Variants in AKAP19 observed in about 807,000 individuals in gnomAD.
AKAP19 encodes A-kinase anchoring protein 19.
chr2:190,111,457 G>A, the AKAP19 span, among the ~76,000 whole-genome samples: 1 of 151,944 alleles, frequency 6.6e-6, no homozygotes, highest in Non-Finnish European at 1.5e-5. Flanking sequence ...CTAAATAGAG[G>A]TATGATATTA....
chr2:190,201,937 C>A, the AKAP19 span: 2 of 166,920 alleles, frequency 1.2e-5, no homozygotes, highest in Non-Finnish European at 2.9e-5. Flanking sequence ...CACACCAAGA[C>A]ATTTTTGCTG....
the AKAP19 span, among the ~76,000 whole-genome samples, chr2:190,160,801 A>G: frequency 6.6e-6 from 1 of 152,164 alleles, no homozygotes; most frequent in African/African-American, 2.4e-5. Context: ...TGTTTGAAAG[A>G]TTCCAAGACA....
the AKAP19 span, among the ~76,000 whole-genome samples, chr2:189,990,566 A>G: frequency 6.6e-6 from 1 of 152,146 alleles, no homozygotes; most frequent in African/African-American, 2.4e-5. Flanking sequence ...AGGAATATTT[A>G]TCTCTATTTT....
At chr2:190,053,639 C>T in the AKAP19 span, among the ~76,000 whole-genome samples, 5 of 152,228 alleles carry the variant, frequency 3.3e-5, no homozygotes, top group Admixed American at 6.5e-5. Flanking sequence ...ACATGCCAGA[C>T]AAGTCATGAC....
the AKAP19 span, among the ~76,000 whole-genome samples, chr2:189,962,244 T>C: frequency 6.6e-6 from 1 of 152,206 alleles, no homozygotes; most frequent in Non-Finnish European, 1.5e-5. Context: ...GCACAGGTTT[T>C]TAGTCTGGGA....
At chr2:189,976,663 A>T in the AKAP19 span, among the ~76,000 whole-genome samples, 2 of 152,190 alleles carry the variant, frequency 1.3e-5, no homozygotes, top group Non-Finnish European at 2.9e-5. Flanking sequence ...TACCTACTCA[A>T]GCCTCAGCAA....
the AKAP19 span, among the ~76,000 whole-genome samples, chr2:190,112,390 T>TTAC: frequency 2.0e-5 from 3 of 152,210 alleles, no homozygotes; most frequent in Admixed American, 2.0e-4. Context: ...TTCTTTGTAT[T>TTAC]TACTTAGTTT....
At chr2:189,919,524 G>A in the AKAP19 span, among the ~76,000 whole-genome samples, 2 of 151,342 alleles carry the variant, frequency 1.3e-5, no homozygotes, top group East Asian at 1.9e-4. Context: ...CTGACCCATC[G>A]TCTAAGTTCC....
At chr2:190,132,414 C>A in the AKAP19 span, among the ~76,000 whole-genome samples, 3 of 152,118 alleles carry the variant, frequency 2.0e-5, no homozygotes, top group Admixed American at 6.5e-5. Flanking sequence ...CTACAGTAAT[C>A]AAAACAGCAT....
At chr2:189,934,748 A>C in the AKAP19 span, among the ~76,000 whole-genome samples, 1 of 151,502 alleles carries the variant, frequency 6.6e-6, no homozygotes, top group Non-Finnish European at 1.5e-5. Flanking sequence ...TTAGAATATA[A>C]AAGATTATAA....
the AKAP19 span, among the ~76,000 whole-genome samples, chr2:190,143,617 A>G: frequency 2.6e-5 from 4 of 152,200 alleles, no homozygotes; most frequent in Non-Finnish European, 5.9e-5. Context: ...GATTTCTTCA[A>G]GAGTTTTTGA....
chr2:189,932,352 G>A, the AKAP19 span, among the ~76,000 whole-genome samples: 1 of 149,542 alleles, frequency 6.7e-6, no homozygotes, highest in Non-Finnish European at 1.5e-5. Flanking sequence ...AGGTTGCAGT[G>A]AGCCGAGATC....
chr2:189,973,072 G>A, the AKAP19 span, among the ~76,000 whole-genome samples: 2 of 152,128 alleles, frequency 1.3e-5, no homozygotes, highest in South Asian at 4.1e-4. Flanking sequence ...GTTTTCAAAG[G>A]GAATGCTTCC....
At chr2:190,117,257 A>C in the AKAP19 span, among the ~76,000 whole-genome samples, 2 of 152,120 alleles carry the variant, frequency 1.3e-5, no homozygotes, top group African/African-American at 2.4e-5. Context: ...GCAAGTAAGA[A>C]CCCCTGAGAC....
At chr2:190,116,044 GTCAAACTTTCAACA>G in the AKAP19 span, among the ~76,000 whole-genome samples, 3 of 152,178 alleles carry the variant, frequency 2.0e-5, no homozygotes, top group Non-Finnish European at 4.4e-5. Context: ...GCAAGCCCTT[GTCAAACTTTCAACA>G]TTAAATAGAA....
the AKAP19 span, among the ~76,000 whole-genome samples, chr2:190,174,991 A>ACATAGAG: frequency 9.5e-6 from 1 of 104,900 alleles, no homozygotes; most frequent in African/African-American, 2.8e-5. Context: ...AGCACATAAG[A>ACATAGAG]TACATAGATT....
the AKAP19 span, among the ~76,000 whole-genome samples, chr2:190,016,151 C>T: frequency 6.6e-6 from 1 of 152,200 alleles, no homozygotes; most frequent in Admixed American, 6.5e-5. Flanking sequence ...CTAACTATCT[C>T]TATAGCAGCA....
chr2:189,882,169 C>G, the AKAP19 span, among the ~76,000 whole-genome samples: 1 of 152,142 alleles, frequency 6.6e-6, no homozygotes, highest in Non-Finnish European at 1.5e-5. Context: ...TAACTGAGAC[C>G]TGTCTCAGAT....
chr2:190,025,405 T>C, the AKAP19 span, among the ~76,000 whole-genome samples: 151 of 152,252 alleles, frequency 9.9e-4, no homozygotes, highest in African/African-American at 3.5e-3. Context: ...TTCATGCAGT[T>C]TGAGAACATT....
Sources: allele counts gnomAD v4.1 joint callset (sites outside exome capture counted in the v4.1 genomes callset), GRCh38; gene constraint gnomAD v4.1.1; transcripts MANE v1.5; gene names NCBI Gene and HGNC (gene_info 2026-07-23, HGNC 2026-07-21).